EWSR1: variants seen among roughly 807,000 people sequenced by gnomAD.
EWSR1 encodes the protein RNA-binding protein EWS.
Under a neutral mutation model 92.1 loss-of-function variants are expected in EWSR1, and 14 were observed. That is an observed-to-expected ratio of 0.15 (90% confidence interval 0.10 to 0.24). EWSR1 has a LOEUF of 0.24. Ranked by LOEUF, EWSR1 falls within the 10% of genes least tolerant of loss-of-function variation. The pLI, the probability that EWSR1 is intolerant of heterozygous loss-of-function variation, is 1.00. For missense variants in EWSR1, 637 were observed against 870.9 expected (o/e 0.73, Z 3.38); for synonymous variants, 303 against 292.9 (o/e 1.03, Z -0.35).
chr22:29,282,209 C>T (rs757527208), intron 5 of EWSR1, among the ~76,000 whole-genome samples, 181 bp from the exon 6 acceptor site: 4 of 151,996 alleles, frequency 2.6e-5, no homozygotes, highest in Non-Finnish European at 4.4e-5. Flanking sequence ...ATAGTTGGAC[C>T]GACACTGAGT....
At chr22:29,278,375 C>T (rs1416927872) in intron 5 of EWSR1, among the ~76,000 whole-genome samples, 159 bp downstream of exon 5, 3 of 152,236 alleles carry the variant, frequency 2.0e-5, no homozygotes, top group Non-Finnish European at 4.4e-5. Flanking sequence ...GAACATACCA[C>T]AGAAATATTC....
chr22:29,292,576 A>G lies in EWSR1; in HGVS notation c.1134A>G (p.Ala378=), dbSNP rs1208541538. 2.5e-6 allele frequency: 4 copies of G among 1,613,882 alleles called. No homozygotes were observed. In the South Asian group the frequency reaches 3.3e-5, roughly 13 times the overall value. The change falls in exon 11 of 17, where the codon GCA becomes GCG. Residue 378 remains alanine, a synonymous_variant. Transcript: ENST00000397938. Reference sequence around the variant, plus strand: ...ACAGTGTGACTCTAGATGATCTGGCAGACTTCTTTAAGCAGTGTGGGGTTG... The same window carrying G: ...ACAGTGTGACTCTAGATGATCTGGCGGACTTCTTTAAGCAGTGTGGGGTTG... ...LNDSVTLDDL[A]DFFKQCGVVK...
At chr22:29,283,446 C>T (rs976861425) in intron 6 of EWSR1, among the ~76,000 whole-genome samples, 2 of 151,488 alleles carry the variant, frequency 1.3e-5, no homozygotes, top group Admixed American at 1.3e-4. Context: ...ACCTCTGCCT[C>T]CTAGGGATTC....
intron 2 of EWSR1, 56 bp downstream of exon 2, chr22:29,272,308 G>C: frequency 1.2e-6 from 2 of 1,610,740 alleles, no homozygotes; most frequent in Non-Finnish European, 1.7e-6. Context: ...TTTGAATATG[G>C]AGCCTTCTAT....
In EWSR1 at chr22:29,268,334, A is replaced by G. The variant is rs2231392; in HGVS notation, c.-3A>G. 151 of 1,614,058 alleles carry G rather than the reference A, an allele frequency of 9.4e-5. No homozygotes were observed. The African/African-American group carries it at 1.6e-3, about 18-fold the overall frequency. ...TTGAGAGAACGAGGAGGAAGGAGAG[A>G]AAATGGCGTCCACGGGTGAGTATGG... is the stretch of plus-strand genomic sequence containing the variant. On this transcript the variant is annotated 5_prime_UTR_variant, in exon 1 of 17. Coordinates refer to ENST00000397938, the MANE Select transcript of EWSR1 (RefSeq NM_005243.4).
chr22:29,281,112 C>A (rs1478297113), intron 5 of EWSR1, among the ~76,000 whole-genome samples: 1 of 151,898 alleles, frequency 6.6e-6, no homozygotes, highest in Non-Finnish European at 1.5e-5. Context: ...ATCTCCTGAC[C>A]TCGTGATCCT....
At chr22:29,298,086 ATGTTTGTT>A in intron 13 of EWSR1, 137 bp downstream of exon 13, 1 of 1,034,486 alleles carries the variant, frequency 9.7e-7, no homozygotes, top group Admixed American at 2.7e-5. Context: ...CTAACAATGA[ATGTTTGTT>A]GGGAATAAAA....
chr22:29,279,858 CTCTGATGCAA>C (rs1248628714), intron 5 of EWSR1, among the ~76,000 whole-genome samples: 4 of 152,202 alleles, frequency 2.6e-5, no homozygotes, highest in Non-Finnish European at 5.9e-5. Context: ...CCATTTGATA[CTCTGATGCAA>C]CAGTATATCC....
At chr22:29,286,689 A>C (rs1340800928) in intron 6 of EWSR1, among the ~76,000 whole-genome samples, 2 of 23,896 alleles carry the variant, frequency 8.4e-5, no homozygotes, top group African/African-American at 7.3e-4. Flanking sequence ...TCTGTCTCAA[A>C]AAAAAAAAAA....
At position 29,296,235 on chromosome 22, in the gene EWSR1, C is replaced by G; in HGVS notation, c.1165-4C>G. ...CATGCCTAACTATGCTATTCTTTGT[C>G]TAGATGAACAAGAGAACTGGGCAAC... is the stretch of plus-strand genomic sequence containing the variant. On this transcript the variant is annotated splice_polypyrimidine_tract_variant and splice_region_variant and intron_variant, in intron 11 of 16. Coordinates refer to ENST00000397938, the MANE Select transcript of EWSR1 (RefSeq NM_005243.4). The G allele has an allele frequency of 6.2e-7, 1 of 1,613,668 alleles. No homozygotes were observed. The highest frequency in any genetic ancestry group is 8.5e-7 in the Non-Finnish European group (1 of 1,179,810).
chr22:29,292,059 A>G (rs2060479329), intron 9 of EWSR1, 78 bp from the exon 10 acceptor site: 1 of 1,228,824 alleles, frequency 8.1e-7, no homozygotes, highest in African/African-American at 1.5e-5. Flanking sequence ...TATAGTAGAT[A>G]GCTATGTGTG....
intron 4 of EWSR1, chr22:29,276,238 A>C (rs999277362): frequency 6.1e-5 from 14 of 230,306 alleles, no homozygotes; most frequent in Non-Finnish European, 9.5e-5. Context: ...TTCTAATTTA[A>C]ATAAATGAAT....
chr22:29,269,655 A>G (rs551956950), intron 1 of EWSR1: 1 of 152,382 alleles, frequency 6.6e-6, no homozygotes, highest in African/African-American at 2.4e-5. Context: ...TCTGTGGTCA[A>G]TAAACAGGTA....
chr22:29,270,507 G>A (rs1424306733), intron 1 of EWSR1, among the ~76,000 whole-genome samples: 1 of 152,188 alleles, frequency 6.6e-6, no homozygotes, highest in Non-Finnish European at 1.5e-5. Flanking sequence ...GCTCTAGGAA[G>A]ATAAATGTAA....
chr22:29,281,621 C>T (rs2147152764), intron 5 of EWSR1, among the ~76,000 whole-genome samples: 1 of 151,974 alleles, frequency 6.6e-6, no homozygotes, highest in South Asian at 2.1e-4. Flanking sequence ...TGCTCTGTCG[C>T]CCAGGCTGGA....
At chr22:29,281,326 T>C (rs1332251137) in intron 5 of EWSR1, among the ~76,000 whole-genome samples, 1 of 151,140 alleles carries the variant, frequency 6.6e-6, no homozygotes, top group Non-Finnish European at 1.5e-5. Flanking sequence ...TTTGTTTTTT[T>C]TGAGATGGAG....
chr22:29,298,989 G>A (rs2061116239), intron 14 of EWSR1, 94 bp downstream of exon 14: 1 of 1,400,168 alleles, frequency 7.1e-7, no homozygotes, highest in South Asian at 1.4e-5. Context: ...CTGTCTAGAG[G>A]AACAGAATGA....
In EWSR1 at chr22:29,282,560, C is replaced by A; in HGVS notation, c.581+3C>A. 1 of 1,502,526 alleles carries A rather than the reference C, an allele frequency of 6.7e-7. No homozygotes were observed. The highest frequency in any genetic ancestry group is 1.4e-5 in the South Asian group (1 of 73,382). The allele number at this position is 1,502,526 out of a possible 1,614,324, so 93.1% of individuals were successfully genotyped here. On this transcript the variant is annotated splice_donor_region_variant and intron_variant, in intron 6 of 16. Coordinates refer to ENST00000397938, the MANE Select transcript of EWSR1 (RefSeq NM_005243.4). ...CCTCCATCCTACCCTCCTACCAGGTCAGTCTACTTTTTGTGGCAAAACAAA... is the reference window on the plus strand; with the variant it reads ...CCTCCATCCTACCCTCCTACCAGGTAAGTCTACTTTTTGTGGCAAAACAAA...
At chr22:29,277,368 C>T (rs2059201929) in intron 4 of EWSR1, 2 of 223,198 alleles carry the variant, frequency 9.0e-6, no homozygotes, top group African/African-American at 2.2e-5. Context: ...GGAGCAATAT[C>T]GAAGTTTAAT....
Sources: gnomAD v4.1 joint callset for allele counts (sites outside exome capture counted in the v4.1 genomes callset) on GRCh38, gnomAD v4.1.1 for gene constraint, MANE v1.5 for transcripts, NCBI Gene and HGNC (gene_info 2026-07-23, HGNC 2026-07-21) for gene names.